Variants in GIT2 observed in about 807,000 individuals in gnomAD.
GIT2 encodes the protein ARF GTPase-activating protein GIT2.
Under a neutral mutation model 100.3 loss-of-function variants are expected in GIT2, and 32 were observed. The observed-to-expected ratio is 0.32, with a 90% CI of 0.24 to 0.43. The LOEUF (loss-of-function observed/expected upper bound fraction) is 0.43. Among genes scored for constraint, GIT2 ranks in the 20% least tolerant of loss-of-function variants. The probability of loss-of-function intolerance (pLI) is 1.00; values close to 1 mark genes in which losing one functional copy is unlikely to be tolerated. For missense variants in GIT2, 737 were observed against 975.1 expected (o/e 0.76, Z 3.25); for synonymous variants, 353 against 364.1 (o/e 0.97, Z 0.35).
At position 109,996,305 on chromosome 12, in the gene GIT2, G is replaced by T. The variant is rs757813637; in HGVS notation, c.-81C>A. 49 of 982,738 alleles carry T rather than the reference G, an allele frequency of 5.0e-5. No individual in the cohort carries two copies. The highest frequency in any genetic ancestry group is 6.9e-5 in the Non-Finnish European group (46 of 666,168). 60.9% of individuals were successfully genotyped at this position (982,738 alleles called of 1,614,324 possible). A position where few individuals can be genotyped will look rare whatever the true frequency, so the allele number is the denominator to read the frequency against. Reference sequence around the variant, plus strand: ...GTGGCGGCGGCGCTTCCGCTCTAACGGGTCCCAGCTGCGGCGGCGCTGACG... The same window carrying T: ...GTGGCGGCGGCGCTTCCGCTCTAACTGGTCCCAGCTGCGGCGGCGCTGACG... On this transcript the variant is annotated 5_prime_UTR_variant, in exon 1 of 20. Coordinates refer to ENST00000355312, the MANE Select transcript of GIT2 (RefSeq NM_057169.5).
At chr12:109,994,122 T>C (rs1453448250) in intron 1 of GIT2, among the ~76,000 whole-genome samples, 1 of 150,676 alleles carries the variant, frequency 6.6e-6, no homozygotes, top group Admixed American at 6.6e-5. Context: ...ATAGCTTTGG[T>C]TTTCACTTAT....
rs193163499 is a variant in GIT2, at chr12:109,931,122, G to A, written c.*1856C>T. ...GGGTGCTACTTTCATGACAGCATAT[G>A]GTCAAGCTATAAAGGTGTGCATCGA... On this transcript the variant is annotated 3_prime_UTR_variant, in exon 20 of 20. Coordinates refer to ENST00000355312, the MANE Select transcript of GIT2 (RefSeq NM_057169.5). The A allele has an allele frequency of 4.6e-5, 7 of 152,362 alleles. No homozygotes were observed. Among genetic ancestry groups the A allele is most frequent in the Non-Finnish European group, 1.0e-4 (7 of 68,038 alleles). 9.4% of individuals were successfully genotyped at this position (152,362 alleles called of 1,614,324 possible). A position where few individuals can be genotyped will look rare whatever the true frequency, so the allele number is the denominator to read the frequency against.
chr12:109,957,824 G>C (rs909310753), intron 12 of GIT2, among the ~76,000 whole-genome samples: 2 of 152,038 alleles, frequency 1.3e-5, no homozygotes, highest in Admixed American at 6.6e-5. Flanking sequence ...TTACTTAGTT[G>C]CTTCTAATGT....
Position 109,953,200 on chromosome 12 carries a change from G to C in GIT2, c.1134C>G (p.Asn378Lys), listed in dbSNP as rs1285764659. 6.2e-7 allele frequency: 1 copy of C among 1,613,862 alleles called. No homozygotes were observed. The highest frequency in any genetic ancestry group is 8.5e-7 in the Non-Finnish European group (1 of 1,179,770). ...TGTCTTGACTCTCAACGCTGTGCTG[G>C]TTATTGATGGTTTTCAGTATGAGCT... is the stretch of plus-strand genomic sequence containing the variant. The part of the protein sequence containing the change: ...NVELILKTIN[N>K]QHSVESQDND... The change falls in exon 13 of 20, where the codon AAC becomes AAG. Residue 378 changes from asparagine to lysine, a missense_variant. Transcript: ENST00000355312.
At chr12:109,939,116 T>C in intron 17 of GIT2, 49 bp downstream of exon 17, 1 of 1,105,262 alleles carries the variant, frequency 9.0e-7, no homozygotes, top group Non-Finnish European at 1.4e-6. Context: ...CTGCCAGGTC[T>C]CTGGCCCTGG....
chr12:109,934,307 T>C lies in GIT2; in HGVS notation c.2004-222A>G, dbSNP rs1413064268. ...ATGAAAAGTCTCCAGGTATGAAATA[T>C]GGCAACATACACTCTTGGTCAGGTG... On this transcript the variant is annotated intron_variant, in intron 18 of 19. Transcript: ENST00000355312. This position sits in a 1 kb window ranked among gnomAD's most constrained non-coding sequence, Gnocchi z 4.5. 1.3e-5 allele frequency among the ~76,000 whole-genome samples: 2 copies of C among 152,230 alleles called. No homozygotes were observed. The highest frequency in any genetic ancestry group is 2.9e-5 in the Non-Finnish European group (2 of 68,038).
At chr12:109,982,117 T>C (rs1354280525) in intron 6 of GIT2, 3 of 152,266 alleles carry the variant, frequency 2.0e-5, no homozygotes, top group African/African-American at 4.8e-5. Context: ...ACTCCTGCTG[T>C]TATTCCCAGA....
chr12:109,942,595 A>G (rs1289365163), intron 16 of GIT2, among the ~76,000 whole-genome samples: 2 of 152,196 alleles, frequency 1.3e-5, no homozygotes, highest in Non-Finnish European at 2.9e-5. Flanking sequence ...CGGCTTCCCA[A>G]AGTGCTAGGA....
intron 12 of GIT2, chr12:109,953,574 C>G (rs147495058): frequency 3.1e-4 from 67 of 215,170 alleles, no homozygotes; most frequent in African/African-American, 1.4e-3. Flanking sequence ...CTGCAGTGAA[C>G]CATGACTGCA....
Position 109,948,197 on chromosome 12 carries a change from A to C in GIT2, c.1393-693T>G. The C allele has an allele frequency of 5.1e-6, 5 of 984,558 alleles. No individual in the cohort carries two copies. Among genetic ancestry groups the C allele is most frequent in the Non-Finnish European group, 6.0e-6 (5 of 829,166 alleles). 61.0% of individuals were successfully genotyped at this position (984,558 alleles called of 1,614,324 possible). On this transcript the variant is annotated intron_variant, in intron 14 of 19. Coordinates refer to ENST00000355312, the MANE Select transcript of GIT2 (RefSeq NM_057169.5). The surrounding 1 kb of genome is among the most constrained non-coding windows in gnomAD (Gnocchi z 4.3). ...ATTAACATATCACGAAGAAAACTGG[A>C]AACCTATTGATCTATGGAATTGACA...
At chr12:109,946,133 CA>C (rs1046899892) in intron 15 of GIT2, among the ~76,000 whole-genome samples, 2 of 146,454 alleles carry the variant, frequency 1.4e-5, no homozygotes, top group Non-Finnish European at 1.5e-5. Context: ...GACTCCATCT[CA>C]AAAAAAAAAG....
At chr12:109,972,181 T>C (rs534864365) in intron 7 of GIT2, among the ~76,000 whole-genome samples, 2 of 152,288 alleles carry the variant, frequency 1.3e-5, no homozygotes, top group East Asian at 3.9e-4. Flanking sequence ...ATGCCTTTTA[T>C]TTATTTTTCT....
intron 9 of GIT2, 145 bp from the exon 10 acceptor site, chr12:109,961,830 C>T (rs1881166188): frequency 3.2e-6 from 2 of 627,166 alleles, no homozygotes; most frequent in Non-Finnish European, 5.7e-6. Flanking sequence ...ACAGACATAA[C>T]ATTTTCAAAA....
chr12:109,943,692 CTT>C (rs113590433), intron 16 of GIT2, among the ~76,000 whole-genome samples: 4 of 137,902 alleles, frequency 2.9e-5, no homozygotes, highest in African/African-American at 2.7e-5. Flanking sequence ...ACAGTAATTC[CTT>C]TTTTTTTTTT....
At chr12:109,969,033 A>T (rs965529598) in intron 7 of GIT2, among the ~76,000 whole-genome samples, 2 of 151,648 alleles carry the variant, frequency 1.3e-5, no homozygotes, top group African/African-American at 4.8e-5. Flanking sequence ...CTGAGTTTTT[A>T]AAATTCTTTG....
intron 6 of GIT2, 22 bp downstream of exon 6, chr12:109,983,351 A>G: frequency 6.2e-7 from 1 of 1,607,012 alleles, no homozygotes; most frequent in African/African-American, 1.3e-5. Flanking sequence ...AGAGAGAAGT[A>G]GCGAGAATCT....
chr12:109,997,261 C>CCTAGA (rs1889576257), upstream of GIT2, among the ~76,000 whole-genome samples: 2 of 150,106 alleles, frequency 1.3e-5, no homozygotes, highest in Non-Finnish European at 3.0e-5. Context: ...TGCCTGTAAT[C>CCTAGA]CTAGATACTC....
rs201730364 is a variant in GIT2 at position 109,989,041 on chromosome 12, G to C, written c.327C>G (p.Ala109=). Residue 109 remains alanine, a synonymous_variant, in exon 4 of 20, where the codon GCC becomes GCG. Coordinates refer to ENST00000355312, the MANE Select transcript of GIT2 (RefSeq NM_057169.5). ...GGACGAACGCTAACATCTGATACTT[G>C]GCTCTGATGAATTCCGCTTTATTGG... ...VHPNKAEFIR[A]KYQMLAFVHR... is the part of the protein sequence containing the mutation. 1.4e-4 allele frequency: 221 copies of C among 1,611,792 alleles called. 1 individual carries two copies. The highest frequency in any genetic ancestry group is 1.7e-4 in the Non-Finnish European group (202 of 1,178,108).
At position 109,980,256 on chromosome 12, in the gene GIT2, C is replaced by T. The variant is rs543631582; in HGVS notation, c.718+696G>A. ...TTTTTAAAAAACTTTTTTGTGGAGA[C>T]GGAGTCTCACCCCTCTTGCCCAGGC... is the stretch of plus-strand genomic sequence containing the variant. On this transcript the variant is annotated intron_variant, in intron 7 of 19. Coordinates refer to ENST00000355312, the MANE Select transcript of GIT2 (RefSeq NM_057169.5). Among the ~76,000 whole-genome samples the T allele has an allele frequency of 1.5e-4, 23 of 152,196 alleles. No homozygotes were observed. The South Asian group carries it at 3.7e-3, about 25-fold the overall frequency.
Sources: gnomAD v4.1 joint callset for allele counts (sites outside exome capture counted in the v4.1 genomes callset) on GRCh38, gnomAD v4.1.1 for gene constraint, Gnocchi (gnomAD v3.1) non-coding constraint, MANE v1.5 for transcripts, NCBI Gene and HGNC (gene_info 2026-07-23, HGNC 2026-07-21) for gene names.